Variants in TRHDE observed in about 807,000 individuals in gnomAD.
TRHDE encodes thyrotropin-releasing hormone-degrading ectoenzyme.
TRHDE carries 72 observed loss-of-function variants against 125.7 expected under a neutral mutation model. The ratio of observed to expected loss-of-function variants is 0.57; its 90% CI spans 0.47 to 0.70. TRHDE has a LOEUF of 0.70. Among genes scored for constraint, TRHDE ranks in the 30% least tolerant of loss-of-function variants. The probability of loss-of-function intolerance (pLI) is 0.00; values close to 1 mark genes in which losing one functional copy is unlikely to be tolerated. For missense variants in TRHDE, 1,110 were observed against 1,327.1 expected (o/e 0.84, Z 2.54); for synonymous variants, 509 against 509.1 (o/e 1.00, Z 0.00).
intron 2 of TRHDE, among the ~76,000 whole-genome samples, chr12:72,365,695 A>T (rs1489608287): frequency 6.6e-6 from 1 of 152,136 alleles, no homozygotes; most frequent in Non-Finnish European, 1.5e-5. Context: ...CAGGAAGTTG[A>T]AAATCTAATC....
At chr12:72,179,617 A>C (rs550934479) in intron 2 of TRHDE, among the ~76,000 whole-genome samples, 4 of 152,080 alleles carry the variant, frequency 2.6e-5, no homozygotes, top group Non-Finnish European at 5.9e-5. Flanking sequence ...CCTCTCAGTG[A>C]GATACCTTCT....
chr12:72,498,175 C>A (rs571312371), intron 5 of TRHDE, among the ~76,000 whole-genome samples: 63 of 152,162 alleles, frequency 4.1e-4, no homozygotes, highest in African/African-American at 1.2e-3. Flanking sequence ...AGAAAACAAA[C>A]CCTACAGTAT....
At chr12:72,645,254 C>T (rs1328849548) in intron 15 of TRHDE, among the ~76,000 whole-genome samples, 1 of 151,952 alleles carries the variant, frequency 6.6e-6, no homozygotes, top group East Asian at 1.9e-4. Flanking sequence ...ATAATTTAAA[C>T]AAGGAGATAT....
At chr12:72,281,047 A>G (rs1047667452) in intron 1 of TRHDE, among the ~76,000 whole-genome samples, 3 of 152,224 alleles carry the variant, frequency 2.0e-5, no homozygotes, top group African/African-American at 7.2e-5. Context: ...TTTGGTAAGC[A>G]TATTTAGTAC....
chr12:72,332,396 C>T (rs986552555), intron 2 of TRHDE, among the ~76,000 whole-genome samples: 1 of 152,176 alleles, frequency 6.6e-6, no homozygotes, highest in Admixed American at 6.5e-5. Context: ...ACCTGGGCCT[C>T]CCAGAGTGCT....
At chr12:72,521,904 T>C (rs1868258337) in intron 6 of TRHDE, among the ~76,000 whole-genome samples, 1 of 152,178 alleles carries the variant, frequency 6.6e-6, no homozygotes, top group Non-Finnish European at 1.5e-5. Flanking sequence ...AAAATGTTTT[T>C]CCAGTTTGAA....
At chr12:72,114,967 G>A (rs1265997887) in intron 2 of TRHDE, among the ~76,000 whole-genome samples, 3 of 151,876 alleles carry the variant, frequency 2.0e-5, no homozygotes, top group Admixed American at 6.6e-5. Context: ...AAAATTTTGT[G>A]GGTATATAGC....
intron 2 of TRHDE, among the ~76,000 whole-genome samples, chr12:72,246,975 C>T (rs1878586805): frequency 1.3e-5 from 2 of 152,170 alleles, no homozygotes. Flanking sequence ...TTCAATTCAA[C>T]TTTACAAAAA....
intron 2 of TRHDE, among the ~76,000 whole-genome samples, chr12:72,350,509 T>G (rs1402078076): frequency 1.3e-5 from 2 of 152,052 alleles, no homozygotes; most frequent in Non-Finnish European, 2.9e-5. Flanking sequence ...GGACATATAC[T>G]GGTAAGTGGC....
chr12:72,536,939 T>G (rs1279231306), intron 6 of TRHDE, among the ~76,000 whole-genome samples: 1 of 152,082 alleles, frequency 6.6e-6, no homozygotes, highest in African/African-American at 2.4e-5. Flanking sequence ...ATTTCCTTTA[T>G]TTTTCTAAGT....
chr12:72,479,562 A>G (rs1877060554), intron 5 of TRHDE, among the ~76,000 whole-genome samples: 1 of 152,026 alleles, frequency 6.6e-6, no homozygotes, highest in Non-Finnish European at 1.5e-5. Flanking sequence ...ACATTACCTC[A>G]CATCCTTTCC....
chr12:72,264,706 CAAAA>C (rs893153214), intron 2 of TRHDE: 2 of 151,654 alleles, frequency 1.3e-5, no homozygotes, highest in African/African-American at 2.4e-5. Flanking sequence ...AGTTAAAAAC[CAAAA>C]AACCCTCCAG....
At chr12:72,629,729 C>A (rs1281511111) in intron 15 of TRHDE, among the ~76,000 whole-genome samples, 1 of 151,634 alleles carries the variant, frequency 6.6e-6, no homozygotes, top group African/African-American at 2.4e-5. Context: ...AAACTCATTG[C>A]AATCATTGCC....
At chr12:72,326,996 T>C (rs374398421) in intron 2 of TRHDE, among the ~76,000 whole-genome samples, 4 of 152,188 alleles carry the variant, frequency 2.6e-5, no homozygotes, top group East Asian at 3.8e-4. Flanking sequence ...TTTATGATTC[T>C]ATGTTTTGTT....
intron 17 of TRHDE, among the ~76,000 whole-genome samples, chr12:72,655,901 A>C (rs1874691474): frequency 6.6e-6 from 1 of 152,162 alleles, no homozygotes; most frequent in African/African-American, 2.4e-5. Flanking sequence ...GAATTACAAC[A>C]AATCTCAGTG....
intron 2 of TRHDE, among the ~76,000 whole-genome samples, chr12:72,247,044 G>A (rs1312568095): frequency 6.6e-6 from 1 of 152,156 alleles, no homozygotes; most frequent in Non-Finnish European, 1.5e-5. Flanking sequence ...CAGTATCCAT[G>A]GGGGATTTAT....
chr12:72,236,014 C>T (rs913149748), intron 2 of TRHDE, among the ~76,000 whole-genome samples: 3 of 152,122 alleles, frequency 2.0e-5, no homozygotes, highest in Non-Finnish European at 4.4e-5. Flanking sequence ...ACAGACATTT[C>T]TCTCTGGTTT....
chr12:72,197,325 C>CTT (rs1877464929), intron 2 of TRHDE, among the ~76,000 whole-genome samples: 1 of 152,072 alleles, frequency 6.6e-6, no homozygotes, highest in African/African-American at 2.4e-5. Context: ...TCTTTCTTGG[C>CTT]TTTATAGCAC....
intron 1 of TRHDE, among the ~76,000 whole-genome samples, chr12:72,105,192 T>C (rs1441869251): frequency 6.6e-6 from 1 of 152,202 alleles, no homozygotes; most frequent in African/African-American, 2.4e-5. Flanking sequence ...AGGAAGTACA[T>C]GGTTAAAATT....
Sources: gnomAD v4.1 joint callset for allele counts (sites outside exome capture counted in the v4.1 genomes callset) on GRCh38, gnomAD v4.1.1 for gene constraint, MANE v1.5 for transcripts, NCBI Gene and HGNC (gene_info 2026-07-23, HGNC 2026-07-21) for gene names.